Variants in NPAS3 observed in about 807,000 individuals in gnomAD.
NPAS3 encodes the protein neuronal PAS domain protein 3, also known as neuronal PAS domain-containing protein 3.
NPAS3 carries 14 observed loss-of-function variants against 73.1 expected under a neutral mutation model. That is an observed-to-expected ratio of 0.19 (90% CI 0.13 to 0.30). The LOEUF (loss-of-function observed/expected upper bound fraction) is 0.30. Among genes scored for constraint, NPAS3 ranks in the 10% least tolerant of loss-of-function variants. NPAS3 has a pLI of 1.00. For missense variants in NPAS3, 1,096 were observed against 1,250.0 expected, an observed-to-expected ratio of 0.88 and a Z score of 1.86; for synonymous variants, 620 against 541.5, an observed-to-expected ratio of 1.14 and a Z score of -2.01.
At chr14:33,438,282 A>T (rs978891291) in intron 4 of NPAS3, among the ~76,000 whole-genome samples, 5 of 152,174 alleles carry the variant, frequency 3.3e-5, no homozygotes, top group Non-Finnish European at 7.3e-5. Context: ...CCCCATTTTT[A>T]TGTGTTATTG....
chr14:33,164,383 T>C (rs2045039961), intron 2 of NPAS3, among the ~76,000 whole-genome samples: 1 of 152,240 alleles, frequency 6.6e-6, no homozygotes, highest in Non-Finnish European at 1.5e-5. Context: ...GTTTGTTTTA[T>C]GTAATCGGTC....
At chr14:33,032,415 G>A (rs574071120) in intron 1 of NPAS3, among the ~76,000 whole-genome samples, 13 of 152,286 alleles carry the variant, frequency 8.5e-5, no homozygotes, top group South Asian at 8.3e-4. Context: ...CTTCCAGGAG[G>A]ATGCCAGCAT....
chr14:32,991,793 G>A (rs1248407916), intron 1 of NPAS3, among the ~76,000 whole-genome samples: 2 of 152,096 alleles, frequency 1.3e-5, no homozygotes, highest in Non-Finnish European at 1.5e-5. Flanking sequence ...TAAGGCATTC[G>A]TTGCCTTGGT....
chr14:32,964,675 A>G (rs1487035077), intron 1 of NPAS3, among the ~76,000 whole-genome samples: 1 of 152,184 alleles, frequency 6.6e-6, no homozygotes, highest in African/African-American at 2.4e-5. Context: ...AGAGAAGCCT[A>G]AAACAATGGC....
Position 33,438,984 on chromosome 14 carries a change from G to A in NPAS3, c.468+71716G>A, listed in dbSNP as rs558772713. 5.3e-5 allele frequency among the ~76,000 whole-genome samples: 8 copies of A among 152,080 alleles called. No individual in the cohort carries two copies. The South Asian group carries it at 1.7e-3, about 32-fold the overall frequency. On this transcript the variant is annotated intron_variant, in intron 4 of 11. Coordinates refer to ENST00000356141, the Ensembl canonical transcript of NPAS3. ...CACCATGTAGGCCTGTGGTGCTAAG[G>A]TCGGACATGTGAAATACATGCAGGA...
At chr14:33,684,994 A>C (rs1425609112) in intron 6 of NPAS3, among the ~76,000 whole-genome samples, 1 of 152,232 alleles carries the variant, frequency 6.6e-6, no homozygotes, top group Non-Finnish European at 1.5e-5. Flanking sequence ...TAGAAGAATT[A>C]GCTTGAGGGA....
At chr14:33,278,435 G>A (rs554891574) in intron 3 of NPAS3, among the ~76,000 whole-genome samples, 10 of 151,222 alleles carry the variant, frequency 6.6e-5, no homozygotes, top group Non-Finnish European at 1.2e-4. Context: ...AAAATGATGA[G>A]GACTTTGGGA....
intron 1 of NPAS3, among the ~76,000 whole-genome samples, chr14:33,042,013 A>C (rs2040362705): frequency 2.6e-5 from 4 of 152,166 alleles, no homozygotes; most frequent in Admixed American, 2.0e-4. Flanking sequence ...CTCAAGTTTT[A>C]AGACTGGGAG....
At chr14:33,672,608 G>A (rs543983213) in intron 5 of NPAS3, among the ~76,000 whole-genome samples, 9 of 151,856 alleles carry the variant, frequency 5.9e-5, no homozygotes, top group African/African-American at 1.2e-4. Flanking sequence ...AAAATTCTCC[G>A]TCTTGCTGTC....
At chr14:33,480,585 C>T (rs1263565887) in intron 4 of NPAS3, among the ~76,000 whole-genome samples, 1 of 139,778 alleles carries the variant, frequency 7.2e-6, no homozygotes, top group Non-Finnish European at 1.5e-5. Flanking sequence ...CTCTCTCTCT[C>T]CCTTTCTCCC....
At chr14:33,656,169 G>GTT (rs2059140714) in intron 5 of NPAS3, among the ~76,000 whole-genome samples, 1 of 151,554 alleles carries the variant, frequency 6.6e-6, no homozygotes, top group Non-Finnish European at 1.5e-5. Flanking sequence ...ACTGCAAACA[G>GTT]AAGACTAGTA....
rs2139409485 is a variant in NPAS3 at position 32,982,581 on chromosome 14, A to T, written c.50+43215A>T. The stretch of plus-strand genomic sequence containing the variant: ...AAAAAAATCTCTATCTGCACTACTT[A>T]AATGACTGACCTTTTAGTCCATGCT... On this transcript the variant is annotated intron_variant, in intron 1 of 11. Coordinates refer to ENST00000356141, the Ensembl canonical transcript of NPAS3. 2.6e-5 allele frequency among the ~76,000 whole-genome samples: 4 copies of T among 152,334 alleles called. No individual in the cohort carries two copies. In the South Asian group the frequency reaches 8.3e-4, roughly 32 times the overall value.
At chr14:33,517,206 G>A (rs577334893) in intron 4 of NPAS3, among the ~76,000 whole-genome samples, 6 of 151,962 alleles carry the variant, frequency 3.9e-5, no homozygotes, top group South Asian at 4.2e-4. Flanking sequence ...ATTGTAGTTC[G>A]CTTATCTTAG....
intron 7 of NPAS3, among the ~76,000 whole-genome samples, chr14:33,745,998 C>A (rs1296074907): frequency 6.6e-6 from 1 of 151,954 alleles, no homozygotes; most frequent in Admixed American, 6.6e-5. Flanking sequence ...AATGGAGTTT[C>A]TAAGCCTCCT....
At chr14:33,055,808 G>A (rs2040867012) in intron 1 of NPAS3, 97 bp from the exon 2 acceptor site, 3 of 556,214 alleles carry the variant, frequency 5.4e-6, no homozygotes, top group Non-Finnish European at 9.8e-6. Flanking sequence ...AGCGTAAAAA[G>A]CAAAATATAT....
intron 5 of NPAS3, among the ~76,000 whole-genome samples, chr14:33,647,553 A>G (rs1051789909): frequency 3.3e-5 from 5 of 152,100 alleles, no homozygotes; most frequent in Admixed American, 3.3e-4. Context: ...TCTCATTAAC[A>G]CCAATTGTTT....
At chr14:33,358,401 AT>A (rs1404356542) in intron 3 of NPAS3, among the ~76,000 whole-genome samples, 1 of 152,174 alleles carries the variant, frequency 6.6e-6, no homozygotes, top group Non-Finnish European at 1.5e-5. Flanking sequence ...ATGACAGTCC[AT>A]CGTTGTCGCG....
chr14:33,624,573 T>G (rs574982022), intron 5 of NPAS3, among the ~76,000 whole-genome samples: 18 of 152,194 alleles, frequency 1.2e-4, no homozygotes. Context: ...TATGTAGTTT[T>G]TTTTTTTTTT....
intron 3 of NPAS3, among the ~76,000 whole-genome samples, chr14:33,286,618 C>G (rs2041885921): frequency 6.6e-6 from 1 of 151,938 alleles, no homozygotes; most frequent in Non-Finnish European, 1.5e-5. Context: ...AGTGTTGTTT[C>G]TTGCTATTAT....
Sources: allele counts gnomAD v4.1 joint callset (sites outside exome capture counted in the v4.1 genomes callset), GRCh38; gene constraint gnomAD v4.1.1; transcripts MANE v1.5; gene names NCBI Gene and HGNC (gene_info 2026-07-23, HGNC 2026-07-21).